CSMD3: variants seen among roughly 807,000 people sequenced by gnomAD.
The protein encoded by CSMD3 is CUB and Sushi multiple domains 3.
A neutral mutation model predicts 435.2 loss-of-function variants in CSMD3; 177 were observed. The ratio of observed to expected loss-of-function variants is 0.41; its 90% CI spans 0.36 to 0.46. The LOEUF (loss-of-function observed/expected upper bound fraction) is 0.46. CSMD3 is among the 20% of genes least tolerant of loss of function. The pLI is 0.34. For missense variants in CSMD3, 4,265 were observed against 4,504.6 expected (o/e 0.95, Z 1.52); for synonymous variants, 1,656 against 1,520.5 (o/e 1.09, Z -2.07).
In CSMD3 at chr8:112,847,593, G is replaced by C. The variant is rs141811271; in HGVS notation, c.1755+11552C>G. 2.2e-3 allele frequency among the ~76,000 whole-genome samples: 337 copies of C among 152,234 alleles called. 1 individual carries two copies. The highest frequency in any genetic ancestry group is 3.8e-3 in the Non-Finnish European group (256 of 68,022). On this transcript the variant is annotated intron_variant, in intron 11 of 70. Coordinates refer to ENST00000297405, the MANE Select transcript of CSMD3 (RefSeq NM_198123.2). ...GCATATAATTCCTTCTCTTGGGCCTGCTTTTTCAGGAACATAACTGAAGAC... is the reference window on the plus strand; with the variant it reads ...GCATATAATTCCTTCTCTTGGGCCTCCTTTTTCAGGAACATAACTGAAGAC...
chr8:113,323,042 C>T (rs184646233), intron 1 of CSMD3, among the ~76,000 whole-genome samples: 1 of 152,318 alleles, frequency 6.6e-6, no homozygotes, highest in Non-Finnish European at 1.5e-5. Flanking sequence ...GCCACCACAC[C>T]CAGCTCCTGG....
In CSMD3 at chr8:112,650,083, G is replaced by A; in HGVS notation, c.3193+78C>T. 3.9e-6 allele frequency: 4 copies of A among 1,027,142 alleles called. No individual in the cohort carries two copies. In the South Asian group the frequency reaches 5.2e-5, roughly 13 times the overall value. The allele number at this position is 1,027,142 out of a possible 1,614,324, so 63.6% of individuals were successfully genotyped here. ...AAAAACCTAAAATATTTATAATTAT[G>A]TTAAACCCCATATAAAAAACTACAT... On this transcript the variant is annotated intron_variant, in intron 19 of 70. Transcript: ENST00000297405.
intron 3 of CSMD3, among the ~76,000 whole-genome samples, chr8:113,207,515 T>C (rs531678216): frequency 6.6e-6 from 1 of 151,936 alleles, no homozygotes; most frequent in Non-Finnish European, 1.5e-5. Flanking sequence ...CCCAAGTAGC[T>C]GGGATTACAG....
intron 22 of CSMD3, among the ~76,000 whole-genome samples, chr8:112,601,093 G>T (rs1249103362): frequency 6.6e-6 from 1 of 151,878 alleles, no homozygotes; most frequent in East Asian, 1.9e-4. Context: ...GTGAGAAGCA[G>T]TAATTGCTGA....
chr8:112,369,788 T>C (rs1188180580), intron 38 of CSMD3, among the ~76,000 whole-genome samples: 1 of 151,850 alleles, frequency 6.6e-6, no homozygotes, highest in Non-Finnish European at 1.5e-5. Context: ...TGGATTACAG[T>C]TTGATAGGTG....
intron 44 of CSMD3, among the ~76,000 whole-genome samples, chr8:112,335,737 G>GT (rs60064881): frequency 0.043 from 5,816 of 134,266 alleles, 169 homozygotes; most frequent in East Asian, 0.15. Flanking sequence ...CATTGTCTTT[G>GT]TTTTTTTTTT....
chr8:113,088,574 G>A (rs888257514), intron 5 of CSMD3, among the ~76,000 whole-genome samples: 5 of 151,694 alleles, frequency 3.3e-5, no homozygotes, highest in African/African-American at 7.3e-5. Flanking sequence ...CATGGATGAA[G>A]CTGGAAATCA....
At chr8:112,634,593 T>G (rs2074605278) in intron 22 of CSMD3, among the ~76,000 whole-genome samples, 1 of 152,042 alleles carries the variant, frequency 6.6e-6, no homozygotes, top group Admixed American at 6.6e-5. Context: ...TCCTTCCCAT[T>G]AAAGATTTGG....
chr8:113,345,829 A>G (rs147641674), intron 1 of CSMD3, among the ~76,000 whole-genome samples: 169 of 152,216 alleles, frequency 1.1e-3, no homozygotes, highest in African/African-American at 3.9e-3. Context: ...CCCAGGTTAT[A>G]CAGCTTTAAA....
chr8:113,354,180 A>T (rs907988252), intron 1 of CSMD3, among the ~76,000 whole-genome samples: 5 of 152,148 alleles, frequency 3.3e-5, no homozygotes, highest in African/African-American at 1.2e-4. Flanking sequence ...TGTGCCCTTG[A>T]CTTCTACTTT....
chr8:112,300,344 A>G (rs1300770452), intron 53 of CSMD3, among the ~76,000 whole-genome samples: 1 of 150,366 alleles, frequency 6.7e-6, no homozygotes, highest in Non-Finnish European at 1.5e-5. Flanking sequence ...AAAATGCATA[A>G]GTAAACTAAG....
chr8:112,520,717 C>A (rs1824192679), intron 27 of CSMD3, among the ~76,000 whole-genome samples: 1 of 151,852 alleles, frequency 6.6e-6, no homozygotes, highest in African/African-American at 2.4e-5. Context: ...ATATACATAT[C>A]CAAGTTTAGC....
chr8:112,718,811 G>A (rs2076792099), intron 13 of CSMD3, among the ~76,000 whole-genome samples: 1 of 151,950 alleles, frequency 6.6e-6, no homozygotes, highest in Admixed American at 6.6e-5. Context: ...ATAGATGTAT[G>A]AACCTTGTCT....
At chr8:112,886,845 A>G (rs1027172524) in intron 10 of CSMD3, among the ~76,000 whole-genome samples, 3 of 151,624 alleles carry the variant, frequency 2.0e-5, no homozygotes, top group South Asian at 2.1e-4. Flanking sequence ...GACTGATACA[A>G]TGTAAATGCT....
intron 32 of CSMD3, among the ~76,000 whole-genome samples, chr8:112,427,783 C>T (rs1183981061): frequency 6.6e-6 from 1 of 152,126 alleles, no homozygotes; most frequent in Non-Finnish European, 1.5e-5. Context: ...TACTTTGTAT[C>T]TTCTAAATGT....
chr8:113,016,474 A>G (rs1292565043), intron 6 of CSMD3, among the ~76,000 whole-genome samples: 2 of 151,856 alleles, frequency 1.3e-5, no homozygotes, highest in Non-Finnish European at 3.0e-5. Flanking sequence ...CATTCAATGA[A>G]CCCACTAGTA....
intron 9 of CSMD3, among the ~76,000 whole-genome samples, chr8:112,932,786 A>G (rs1296001509): frequency 1.3e-5 from 2 of 152,298 alleles, no homozygotes; most frequent in Admixed American, 6.5e-5. Flanking sequence ...GGGTGACTAT[A>G]GTTAACAAGA....
chr8:113,371,480 C>T (rs1487464254), intron 1 of CSMD3, among the ~76,000 whole-genome samples: 1 of 152,120 alleles, frequency 6.6e-6, no homozygotes, highest in African/African-American at 2.4e-5. Context: ...AATTATTATA[C>T]ATTTTTGCTT....
At chr8:112,753,147 G>T (rs1408163814) in intron 13 of CSMD3, among the ~76,000 whole-genome samples, 1 of 151,846 alleles carries the variant, frequency 6.6e-6, no homozygotes, top group East Asian at 1.9e-4. Flanking sequence ...TCCATAATTT[G>T]CTGACATCAA....
Sources: allele counts gnomAD v4.1 joint callset (sites outside exome capture counted in the v4.1 genomes callset), GRCh38; gene constraint gnomAD v4.1.1; transcripts MANE v1.5; gene names NCBI Gene and HGNC (gene_info 2026-07-23, HGNC 2026-07-21).